Variants in RAB3GAP1 observed in about 807,000 individuals in gnomAD.
RAB3GAP1 encodes rab3 GTPase-activating protein catalytic subunit.
Under a neutral mutation model 130.7 loss-of-function variants are expected in RAB3GAP1, and 86 were observed. The ratio of observed to expected loss-of-function variants is 0.66; its 90% CI spans 0.55 to 0.79. The LOEUF (loss-of-function observed/expected upper bound fraction) is 0.79, where lower values mean the gene tolerates loss of function less well. RAB3GAP1 is among the 30% of genes least tolerant of loss of function. RAB3GAP1 has a pLI of 0.00. For missense variants in RAB3GAP1, 1,029 were observed against 1,169.4 expected (o/e 0.88, Z 1.75); for synonymous variants, 367 against 401.7 (o/e 0.91, Z 1.03).
Position 135,130,575 on chromosome 2 carries a change from T to G in RAB3GAP1, c.1090T>G (p.Leu364Val). The G allele has an allele frequency of 6.2e-7, 1 of 1,613,574 alleles. No homozygotes were observed. Among genetic ancestry groups the G allele is most frequent in the Non-Finnish European group, 8.5e-7 (1 of 1,179,618 alleles). ...GKETADITHALSKLTEPASVP... is the reference protein window; with the variant it reads ...GKETADITHAVSKLTEPASVP... ...AGAAACTGCTGATATAACTCATGCT[T>G]TGTCAAAATTGACAGAGCCGGCATC... The change falls in exon 13 of 24, where the codon TTG (leucine) becomes GTG (valine). Residue 364 changes from leucine to valine, a missense_variant. This residue lies in a region of RAB3GAP1 where 510 missense variants were observed against 532.1 expected (regional missense o/e 0.96). Transcript: ENST00000264158.
At position 135,130,667 on chromosome 2, in the gene RAB3GAP1, C is replaced by T. The variant is rs772050522; in HGVS notation, c.1182C>T (p.His394=). 5 of 1,613,774 alleles carry T rather than the reference C, an allele frequency of 3.1e-6. No homozygotes were observed. The highest frequency in any genetic ancestry group is 4.2e-6 in the Non-Finnish European group (5 of 1,179,736). ...CTGCAAAGAAGAAAATCCGAAAACA[C>T]AGAGGTGTAGAGGAGTCACCGCTAA... ...VHTAKKKIRK[H]RGVEESPLNN... Residue 394 remains histidine (H), a synonymous_variant, in exon 13 of 24, where the codon CAC becomes CAT. Coordinates refer to ENST00000264158, the MANE Select transcript of RAB3GAP1 (RefSeq NM_012233.3).
At chr2:135,055,067 G>C (rs563956857) in intron 2 of RAB3GAP1, among the ~76,000 whole-genome samples, 6 of 152,308 alleles carry the variant, frequency 3.9e-5, no homozygotes, top group African/African-American at 1.4e-4. Flanking sequence ...TAGGGATGTG[G>C]TGGTTAGTAA....
chr2:135,172,720 G>A (rs571764168), downstream of RAB3GAP1, among the ~76,000 whole-genome samples: 1 of 152,310 alleles, frequency 6.6e-6, no homozygotes, highest in South Asian at 2.1e-4. Flanking sequence ...GGAAGAGCAA[G>A]TTGTGGGGCT....
chr2:135,081,975 A>G (rs1033268137), intron 3 of RAB3GAP1, among the ~76,000 whole-genome samples: 5 of 151,852 alleles, frequency 3.3e-5, no homozygotes, highest in African/African-American at 1.2e-4. Context: ...GCCCCCATCT[A>G]TACTAAAAAT....
intron 2 of RAB3GAP1, among the ~76,000 whole-genome samples, chr2:135,054,277 C>T (rs1688952677): frequency 6.6e-6 from 1 of 152,132 alleles, no homozygotes; most frequent in South Asian, 2.1e-4. Context: ...TGCTGCTGGT[C>T]AGGAGACCAC....
chr2:135,126,567 T>C lies in RAB3GAP1; in HGVS notation c.900-16T>C. On this transcript the variant is annotated splice_polypyrimidine_tract_variant and intron_variant, in intron 10 of 23. Coordinates refer to ENST00000264158, the MANE Select transcript of RAB3GAP1 (RefSeq NM_012233.3). ...TGTCATAATTAGGATTTTATATTTATTGGTTTGCATTTTAGTGATTTGGAT... is the reference window on the plus strand; with the variant it reads ...TGTCATAATTAGGATTTTATATTTACTGGTTTGCATTTTAGTGATTTGGAT... 6.3e-7 allele frequency: 1 copy of C among 1,594,604 alleles called. No individual in the cohort carries two copies. The highest frequency in any genetic ancestry group is 8.6e-7 in the Non-Finnish European group (1 of 1,162,238).
intron 17 of RAB3GAP1, among the ~76,000 whole-genome samples, chr2:135,143,454 T>A (rs1442648666): frequency 1.3e-5 from 2 of 152,180 alleles, no homozygotes; most frequent in Non-Finnish European, 1.5e-5. Flanking sequence ...CTTCTATTAT[T>A]TCTTTGCTTC....
intron 17 of RAB3GAP1, among the ~76,000 whole-genome samples, chr2:135,141,635 A>G (rs1691843898): frequency 6.6e-6 from 1 of 152,170 alleles, no homozygotes. Context: ...TCTGCTTAAG[A>G]ACTCTTTACC....
At chr2:135,084,077 T>C (rs1689907670) in intron 3 of RAB3GAP1, among the ~76,000 whole-genome samples, 1 of 151,986 alleles carries the variant, frequency 6.6e-6, no homozygotes, top group African/African-American at 2.4e-5. Context: ...AAACCCTGTC[T>C]CTACTAAAAA....
At chr2:135,059,755 G>A (rs1256831743) in intron 3 of RAB3GAP1, among the ~76,000 whole-genome samples, 5 of 152,142 alleles carry the variant, frequency 3.3e-5, no homozygotes, top group African/African-American at 9.7e-5. Flanking sequence ...GTTATTTAAA[G>A]TAGGTAGCAT....
intron 6 of RAB3GAP1, among the ~76,000 whole-genome samples, chr2:135,113,606 C>T (rs954567488): frequency 6.6e-6 from 1 of 152,206 alleles, no homozygotes; most frequent in African/African-American, 2.4e-5. Context: ...GAGCTGTAAC[C>T]AATCAAGCTG....
chr2:135,123,037 G>A (rs1691247448), intron 8 of RAB3GAP1, among the ~76,000 whole-genome samples: 1 of 152,062 alleles, frequency 6.6e-6, no homozygotes, highest in African/African-American at 2.4e-5. Context: ...CCCAAGACAA[G>A]TATTGTCTTT....
intron 17 of RAB3GAP1, among the ~76,000 whole-genome samples, chr2:135,147,426 T>C (rs148834789): frequency 2.5e-3 from 379 of 152,194 alleles, no homozygotes; most frequent in African/African-American, 8.5e-3. Context: ...TTTAAAACCC[T>C]ATTTCCTTAT....
At chr2:135,100,903 A>C (rs1239577097) in intron 5 of RAB3GAP1, among the ~76,000 whole-genome samples, 2 of 152,254 alleles carry the variant, frequency 1.3e-5, no homozygotes, top group East Asian at 3.8e-4. Context: ...TAAGTCAGGA[A>C]AATGTTTCCA....
intron 5 of RAB3GAP1, among the ~76,000 whole-genome samples, chr2:135,100,764 C>T (rs1690427022): frequency 6.6e-6 from 1 of 152,122 alleles, no homozygotes; most frequent in South Asian, 2.1e-4. Context: ...ATGGTTACTG[C>T]CTTAGTAATC....
chr2:135,108,705 G>GT lies in RAB3GAP1; in HGVS notation c.363-4445dup, dbSNP rs537364627. On this transcript the variant is annotated intron_variant, in intron 5 of 23. Transcript: ENST00000264158. ...ATTTTTAATTTTAATGAAGTCTAGC[G>GT]TATCAGTTTGTTCTTTTCTGGATTG... 3.6e-3 allele frequency among the ~76,000 whole-genome samples: 551 copies of GT among 152,168 alleles called. 6 individuals are homozygous for GT. The Middle Eastern group carries it at 0.044, about 12-fold the overall frequency.
rs16831395 is a variant in RAB3GAP1 at position 135,169,858 on chromosome 2, T to C, written c.*1077T>C. ...AGATGGCCTCTGCTTGGTAATCTTATTTTTAGGCCTAAAATTCCCACTTAA... is the reference window on the plus strand; with the variant it reads ...AGATGGCCTCTGCTTGGTAATCTTACTTTTAGGCCTAAAATTCCCACTTAA... On this transcript the variant is annotated 3_prime_UTR_variant, in exon 24 of 24. Transcript: ENST00000264158. The C allele has an allele frequency of 0.038, 15,588 of 407,592 alleles. 709 individuals carry two copies. Among genetic ancestry groups the C allele is most frequent in the African/African-American group, 0.15 (7,293 of 48,142 alleles). The allele number at this position is 407,592 out of a possible 1,614,324, so 25.2% of individuals were successfully genotyped here.
chr2:135,164,131 G>A (rs777135651), intron 22 of RAB3GAP1, among the ~76,000 whole-genome samples: 11 of 152,098 alleles, frequency 7.2e-5, no homozygotes, highest in Admixed American at 1.3e-4. Context: ...TTACAATTGC[G>A]ACTTTGCCCA....
intron 2 of RAB3GAP1, among the ~76,000 whole-genome samples, chr2:135,053,902 A>G (rs1482281805): frequency 6.6e-6 from 1 of 152,216 alleles, no homozygotes; most frequent in East Asian, 1.9e-4. Context: ...AAGATAGGAA[A>G]TGAGCTGGGC....
Sources: allele counts gnomAD v4.1 joint callset (sites outside exome capture counted in the v4.1 genomes callset), GRCh38; gene constraint gnomAD v4.1.1; regional missense constraint gnomAD v4.1.1; transcripts MANE v1.5; gene names NCBI Gene and HGNC (gene_info 2026-07-23, HGNC 2026-07-21).